RECQL: variants seen among roughly 807,000 people sequenced by gnomAD.
RECQL encodes ATP-dependent DNA helicase Q1.
In RECQL, 73 loss-of-function variants were observed where a neutral mutation model predicts 75.8. The ratio of observed to expected loss-of-function variants is 0.96; its 90% confidence interval spans 0.80 to 1.17. The LOEUF is 1.17. RECQL is among the 50% of genes most tolerant of loss of function. RECQL has a pLI of 0.00. For missense variants in RECQL, 699 were observed against 772.1 expected, an observed-to-expected ratio of 0.91 and a Z score of 1.12; for synonymous variants, 248 against 254.4, an observed-to-expected ratio of 0.97 and a Z score of 0.24.
At chr12:21,496,605 A>G (rs12231436) in intron 2 of RECQL, among the ~76,000 whole-genome samples, 1 of 152,118 alleles carries the variant, frequency 6.6e-6, no homozygotes, top group African/African-American at 2.4e-5. Context: ...ACAAACTGCT[A>G]AGAGAGACAC....
At chr12:21,482,392 A>G (rs1943207830) in intron 6 of RECQL, among the ~76,000 whole-genome samples, 1 of 152,212 alleles carries the variant, frequency 6.6e-6, no homozygotes, top group Non-Finnish European at 1.5e-5. Flanking sequence ...TAGAAAGTTA[A>G]TGATAGGAGA....
Position 21,491,647 on chromosome 12 carries a change from G to A in RECQL, c.86C>T (p.Thr29Met), listed in dbSNP as rs145067169. The A allele has an allele frequency of 1.0e-4, 162 of 1,613,320 alleles. No homozygotes were observed. The highest frequency in any genetic ancestry group is 1.3e-4 in the Admixed American group (8 of 59,956). ...HAVEIQIQEL[T>M]ERQQELIQKK... ...CTGAATAAGCTCTTGTTGCCTTTCC[G>A]TAAGTTCTTGAATTTGAATTTCTAC... Residue 29 changes from threonine to methionine, a missense_variant, in exon 3 of 15, where the codon ACG becomes ATG. By Grantham distance (81) the Thr-to-Met change is moderately conservative. Coordinates refer to ENST00000444129, the MANE Select transcript of RECQL (RefSeq NM_002907.4).
rs1473421036 is a variant in RECQL, at chr12:21,486,551, AAG to A, written c.427_428del (p.Leu143TyrfsTer22). ...FTLVICPLIS[L>X]MEDQLMVLKQ... is the part of the protein sequence containing the mutation. ...TTAAAACCATTAATTGGTCTTCCAT[AAG>A]AGAGATCAATGGGCAAATGACGAGT... On this transcript the variant is annotated frameshift_variant, in exon 5 of 15. Transcript: ENST00000444129. LOFTEE classifies it high-confidence loss of function. 1 of 1,602,290 alleles carries A rather than the reference AAG, an allele frequency of 6.2e-7. No homozygotes were observed. Among genetic ancestry groups the A allele is most frequent in the African/African-American group, 1.4e-5 (1 of 73,856 alleles).
rs754016839 is a variant in RECQL at position 21,491,534 on chromosome 12, C to A, written c.199G>T (p.Ala67Ser). 6.3e-7 allele frequency: 1 copy of A among 1,593,664 alleles called. No individual in the cohort carries two copies. Residue 67 changes from alanine (A) to serine (S), a missense_variant, in exon 3 of 15, where the codon GCT becomes TCT. By Grantham distance (99) the Ala-to-Ser change is moderately conservative (BLOSUM62 1). Transcript: ENST00000444129. ...AAAAGTTAACCTTCTTTATTCCAAG[C>A]GGCAGGTGAAGAATCATATTCATTG... is the stretch of plus-strand genomic sequence containing the variant. Reference protein sequence around the residue: ...ASNEYDSSPAAWNKEDFPWSG... With the variant: ...ASNEYDSSPASWNKEDFPWSG...
intron 2 of RECQL, among the ~76,000 whole-genome samples, chr12:21,494,987 T>G (rs1233214932): frequency 6.6e-6 from 1 of 152,144 alleles, no homozygotes; most frequent in Non-Finnish European, 1.5e-5. Flanking sequence ...GAGGCAGCAA[T>G]CAGAATGGTC....
chr12:21,471,615 T>C lies in RECQL; in HGVS notation c.1480A>G (p.Arg494Gly), dbSNP rs1942967495. 1 of 1,612,806 alleles carries C rather than the reference T, an allele frequency of 6.2e-7. No homozygotes were observed. Among genetic ancestry groups the C allele is most frequent in the South Asian group, 1.1e-5 (1 of 91,034 alleles). Residue 494 changes from arginine (R) to glycine (G), a missense_variant, in exon 13 of 15, where the codon AGA (arginine) becomes GGA (glycine). Transcript: ENST00000444129. The stretch of plus-strand genomic sequence containing the variant: ...TGCTTCAGGATCTTGATTAGATCTC[T>C]GCAGTACTCTGTTATGTTCTTTCTT... Reference protein sequence around the residue: ...FERKNITEYCRDLIKILKQAE... With the variant: ...FERKNITEYCGDLIKILKQAE...
At chr12:21,483,293 A>G in intron 6 of RECQL, 83 bp downstream of exon 6, 1 of 878,920 alleles carries the variant, frequency 1.1e-6, no homozygotes, top group South Asian at 1.6e-5. Context: ...TGATTTTAAT[A>G]GAAGCAGAGA....
At chr12:21,474,522 T>C (rs1350771156) in intron 11 of RECQL, among the ~76,000 whole-genome samples, 2 of 152,096 alleles carry the variant, frequency 1.3e-5, no homozygotes, top group Non-Finnish European at 2.9e-5. Context: ...ATCTTAACCA[T>C]AGACCTTTTC....
rs1482416273 is a variant in RECQL at position 21,477,958 on chromosome 12, GT to G, written c.711del (p.Gly239ValfsTer3). Reference sequence around the variant, plus strand: ...GGGAACTGCCGCTTTAAGATACCAAGTGCCTTATAATCTGAAAAAACAAACA... The same window carrying G: ...GGGAACTGCCGCTTTAAGATACCAAGGCCTTATAATCTGAAAAAACAAACA... ...WGHDFRPDYK[A>X]LGILKRQFPN... On this transcript the variant is annotated frameshift_variant, in exon 7 of 15. Transcript: ENST00000444129. LOFTEE classifies it high-confidence loss of function. The G allele has an allele frequency of 6.2e-7, 1 of 1,606,788 alleles. No individual in the cohort carries two copies. The highest frequency in any genetic ancestry group is 1.1e-5 in the South Asian group (1 of 88,924).
chr12:21,485,548 T>A (rs189990283), intron 5 of RECQL, among the ~76,000 whole-genome samples: 6,825 of 151,346 alleles, frequency 0.045, 186 homozygotes, highest in Middle Eastern at 0.085. Flanking sequence ...ATATTTTTTT[T>A]TAAAAAAAAC....
intron 3 of RECQL, 100 bp from the exon 4 acceptor site, chr12:21,490,478 C>A: frequency 1.5e-6 from 1 of 686,874 alleles, no homozygotes; most frequent in Non-Finnish European, 2.4e-6. Context: ...TACTTATAGA[C>A]CATTAAACTT....
intron 2 of RECQL, among the ~76,000 whole-genome samples, chr12:21,492,771 C>A (rs899476185): frequency 5.3e-5 from 8 of 152,236 alleles, no homozygotes; most frequent in African/African-American, 1.7e-4. Context: ...CCTGCTAAAT[C>A]TTGGTGGAAC....
rs1942875683 is a variant in RECQL, at chr12:21,469,491, C to G, written c.*703G>C. On this transcript the variant is annotated 3_prime_UTR_variant, in exon 15 of 15. Coordinates refer to ENST00000444129, the MANE Select transcript of RECQL (RefSeq NM_002907.4). ...AGCCAAAAGATTGGACATCCCTGAT[C>G]TACATATTTAACTTAAAGTATCACT... 1 of 149,282 alleles carries G rather than the reference C, an allele frequency of 6.7e-6. No individual in the cohort carries two copies. The highest frequency in any genetic ancestry group is 2.5e-5 in the African/African-American group (1 of 40,314). The allele number at this position is 149,282 out of a possible 1,614,324, so 9.2% of individuals were successfully genotyped here.
At chr12:21,499,518 A>G in intron 2 of RECQL, 37 bp downstream of exon 2, 1 of 1,530,986 alleles carries the variant, frequency 6.5e-7, no homozygotes, top group Non-Finnish European at 8.9e-7. Context: ...CAGAAATAGA[A>G]CAGAAGGAAG....
intron 6 of RECQL, among the ~76,000 whole-genome samples, chr12:21,479,512 C>G (rs1017682633): frequency 6.6e-6 from 1 of 152,144 alleles, no homozygotes; most frequent in African/African-American, 2.4e-5. Flanking sequence ...ACCGCCACAC[C>G]TGGCTAATTT....
chr12:21,496,177 AT>A (rs1943504958), intron 2 of RECQL, among the ~76,000 whole-genome samples: 1 of 152,228 alleles, frequency 6.6e-6, no homozygotes, highest in Non-Finnish European at 1.5e-5. Context: ...CAACTCACCT[AT>A]GTGGTGTATG....
intron 2 of RECQL, among the ~76,000 whole-genome samples, chr12:21,497,654 A>C (rs7301591): frequency 0.99 from 151,463 of 152,366 alleles, 75,292 homozygotes; most frequent in East Asian, 1. Flanking sequence ...ATTTGTGTCC[A>C]ATGTGAATGC....
intron 6 of RECQL, 79 bp downstream of exon 6, chr12:21,483,297 G>A: frequency 1.1e-6 from 1 of 898,464 alleles, no homozygotes; most frequent in Non-Finnish European, 1.8e-6. Context: ...TTTAATAGAA[G>A]CAGAGATTTC....
chr12:21,472,843 ATTTTC>A (rs1471771133), intron 12 of RECQL, among the ~76,000 whole-genome samples: 10 of 152,052 alleles, frequency 6.6e-5, no homozygotes, highest in African/African-American at 2.4e-4. Context: ...TTTGCACTAA[ATTTTC>A]TTTTCAATTA....
Sources: gnomAD v4.1 joint callset for allele counts (sites outside exome capture counted in the v4.1 genomes callset) on GRCh38, gnomAD v4.1.1 for gene constraint, MANE v1.5 for transcripts, NCBI Gene and HGNC (gene_info 2026-07-23, HGNC 2026-07-21) for gene names.